The following CADM2 variants were observed in gnomAD, a reference collection of about 807,000 sequenced individuals.
CADM2 encodes cell adhesion molecule 2.
Under a neutral mutation model 49.8 loss-of-function variants are expected in CADM2, and 12 were observed. The ratio of observed to expected loss-of-function variants is 0.24; its 90% CI spans 0.15 to 0.39. The LOEUF (loss-of-function observed/expected upper bound fraction) is 0.39. CADM2 is among the 10% of genes least tolerant of loss of function. The probability of loss-of-function intolerance (pLI) is 1.00; values close to 1 mark genes in which losing one functional copy is unlikely to be tolerated. For synonymous variants in CADM2, 214 were observed against 175.4 expected (o/e 1.22, Z -1.74); for missense variants, 378 against 492.3 (o/e 0.77, Z 2.20).
At chr3:85,306,544 C>T (rs2044216498) in intron 1 of CADM2, among the ~76,000 whole-genome samples, 1 of 151,516 alleles carries the variant, frequency 6.6e-6, no homozygotes, top group South Asian at 2.1e-4. Context: ...TAGTTTTCAC[C>T]AAACTTTAAG....
intron 2 of CADM2, among the ~76,000 whole-genome samples, chr3:85,780,477 G>GA (rs1390217793): frequency 1.3e-5 from 2 of 152,078 alleles, no homozygotes; most frequent in African/African-American, 4.8e-5. Flanking sequence ...AATAAAACAA[G>GA]AAAAAGATTT....
intron 1 of CADM2, among the ~76,000 whole-genome samples, chr3:85,658,574 G>GTATATATATATATATA (rs1553656698): frequency 1.8e-5 from 1 of 55,498 alleles, no homozygotes. Context: ...TTGGATATAT[G>GTATATATATATATATA]TGTATATATA....
At chr3:85,618,843 C>T (rs184865770) in intron 1 of CADM2, among the ~76,000 whole-genome samples, 1 of 151,566 alleles carries the variant, frequency 6.6e-6, no homozygotes, top group South Asian at 2.1e-4. Flanking sequence ...TTACTTATTG[C>T]CAATATTTGC....
chr3:85,756,162 T>A (rs1340968662), intron 2 of CADM2, among the ~76,000 whole-genome samples: 1 of 61,450 alleles, frequency 1.6e-5, no homozygotes, highest in Non-Finnish European at 5.2e-5. Context: ...CAAAGACCAA[T>A]TTTTTTTTTT....
chr3:85,423,237 C>T (rs2107502525), intron 1 of CADM2, among the ~76,000 whole-genome samples: 1 of 152,212 alleles, frequency 6.6e-6, no homozygotes. Context: ...CTCTACCACT[C>T]TTCTGCTCAT....
intron 1 of CADM2, among the ~76,000 whole-genome samples, chr3:85,606,409 G>T (rs1001494980): frequency 6.6e-6 from 1 of 151,950 alleles, no homozygotes; most frequent in East Asian, 1.9e-4. Flanking sequence ...TGGAGTGCCC[G>T]CAGCTTAGTT....
chr3:85,060,127 C>A (rs2107440190), intron 1 of CADM2, among the ~76,000 whole-genome samples: 1 of 152,024 alleles, frequency 6.6e-6, no homozygotes, highest in East Asian at 1.9e-4. Flanking sequence ...TTTATTGCTT[C>A]TTTTATTTTA....
At chr3:85,722,878 G>T (rs575626670) in intron 1 of CADM2, among the ~76,000 whole-genome samples, 10 of 152,166 alleles carry the variant, frequency 6.6e-5, no homozygotes, top group African/African-American at 2.4e-4. Context: ...GAAAATATTA[G>T]ACAGAGATAC....
At chr3:85,599,020 A>T (rs1407831390) in intron 1 of CADM2, among the ~76,000 whole-genome samples, 1 of 151,930 alleles carries the variant, frequency 6.6e-6, no homozygotes, top group Non-Finnish European at 1.5e-5. Flanking sequence ...TAAGAATTAT[A>T]TTGAATTTTC....
At chr3:85,435,749 G>T (rs958162956) in intron 1 of CADM2, among the ~76,000 whole-genome samples, 7 of 152,064 alleles carry the variant, frequency 4.6e-5, no homozygotes, top group Non-Finnish European at 1.0e-4. Flanking sequence ...GTTTTGATTT[G>T]CATTTCTCTA....
intron 6 of CADM2, among the ~76,000 whole-genome samples, chr3:85,926,138 A>AAATAAATG (rs1719821445): frequency 7.2e-5 from 1 of 13,796 alleles, no homozygotes; most frequent in Non-Finnish European, 1.2e-4. Context: ...TCTGTCTCAA[A>AAATAAATG]AATAAATAAA....
intron 1 of CADM2, among the ~76,000 whole-genome samples, chr3:85,610,158 C>A (rs1376828565): frequency 6.6e-6 from 1 of 151,854 alleles, no homozygotes; most frequent in Non-Finnish European, 1.5e-5. Flanking sequence ...TTATAATTAC[C>A]TATTTGTCTG....
At chr3:85,877,684 G>GTTTTTTT (rs368101272) in intron 3 of CADM2, among the ~76,000 whole-genome samples, 4 of 112,022 alleles carry the variant, frequency 3.6e-5, no homozygotes, top group African/African-American at 1.3e-4. Context: ...TTTTTCTTCT[G>GTTTTTTT]TTTTTTTTTT....
chr3:85,046,051 T>C (rs1349914906), intron 1 of CADM2, among the ~76,000 whole-genome samples: 1 of 152,086 alleles, frequency 6.6e-6, no homozygotes, highest in Non-Finnish European at 1.5e-5. Context: ...ATTTTGATTG[T>C]ATGTAGCGGT....
intron 1 of CADM2, among the ~76,000 whole-genome samples, chr3:85,586,929 A>G (rs530088139): frequency 1.3e-5 from 2 of 152,200 alleles, no homozygotes; most frequent in African/African-American, 4.8e-5. Context: ...AATCATGAGA[A>G]TGGCCCAATG....
intron 1 of CADM2, among the ~76,000 whole-genome samples, chr3:85,255,852 C>T (rs1404487666): frequency 1.3e-5 from 2 of 152,080 alleles, no homozygotes; most frequent in Non-Finnish European, 2.9e-5. Context: ...TGTTTCACCA[C>T]ATATATAATA....
chr3:85,558,004 A>C (rs183915801), intron 1 of CADM2, among the ~76,000 whole-genome samples: 4 of 152,208 alleles, frequency 2.6e-5, no homozygotes, highest in Admixed American at 2.6e-4. Context: ...AGCAAATGAC[A>C]CAACTTCCAG....
At chr3:84,984,048 TACAC>T (rs10603844) in intron 1 of CADM2, among the ~76,000 whole-genome samples, 4,716 of 143,086 alleles carry the variant, frequency 0.033, 172 homozygotes, top group African/African-American at 0.09. Flanking sequence ...TATATATATA[TACAC>T]ACACACACAC....
intron 8 of CADM2, among the ~76,000 whole-genome samples, chr3:86,011,907 ATGT>A (rs1402335903): frequency 1.3e-5 from 2 of 151,892 alleles, no homozygotes; most frequent in East Asian, 1.9e-4. Context: ...AGAAATAATA[ATGT>A]TGTATAAACT....
Sources: gnomAD v4.1 joint callset for allele counts (sites outside exome capture counted in the v4.1 genomes callset) on GRCh38, gnomAD v4.1.1 for gene constraint, MANE v1.5 for transcripts, NCBI Gene and HGNC (gene_info 2026-07-23, HGNC 2026-07-21) for gene names.